RIC8B: variants seen among roughly 807,000 people sequenced by gnomAD.
RIC8B encodes the protein RIC8 guanine nucleotide exchange factor B.
A neutral mutation model predicts 57.5 loss-of-function variants in RIC8B; 16 were observed. That is an observed-to-expected ratio of 0.28 (90% CI 0.19 to 0.42). The LOEUF (loss-of-function observed/expected upper bound fraction) is 0.42. Ranked by LOEUF, RIC8B falls within the 10% of genes least tolerant of loss-of-function variation. RIC8B has a pLI of 1.00. For missense variants in RIC8B, 481 were observed against 677.0 expected, an observed-to-expected ratio of 0.71 and a Z score of 3.21; for synonymous variants, 216 against 250.8, an observed-to-expected ratio of 0.86 and a Z score of 1.31.
At position 106,784,035 on chromosome 12, in the gene RIC8B, T is replaced by C. The variant is rs376206658; in HGVS notation, c.123T>C (p.Asp41=). 1.2e-6 allele frequency: 2 copies of C among 1,613,800 alleles called. No homozygotes were observed. The highest frequency in any genetic ancestry group is 1.7e-5 in the Admixed American group (1 of 60,012). The part of the protein sequence containing the change: ...ATFKFESTDE[D]KRKKLCEGIF... ...TCAAATTTGAATCAACAGATGAAGA[T>C]AAAAGAAAGGTAAGCCTTGGTGTTG... The change falls in exon 2 of 10, where the codon GAT becomes GAC. Residue 41 remains aspartate (D), a synonymous_variant. Coordinates refer to ENST00000392837, the MANE Select transcript of RIC8B (RefSeq NM_001330145.2).
intron 4 of RIC8B, among the ~76,000 whole-genome samples, chr12:106,826,603 A>C (rs1049273343): frequency 1.3e-5 from 2 of 152,092 alleles, no homozygotes; most frequent in African/African-American, 2.4e-5. Flanking sequence ...AAAATACAAA[A>C]AAAGTAGCTG....
At chr12:106,789,195 C>T (rs1031922703) in intron 2 of RIC8B, among the ~76,000 whole-genome samples, 4 of 152,162 alleles carry the variant, frequency 2.6e-5, no homozygotes, top group Admixed American at 6.5e-5. Context: ...AACAAGTTTC[C>T]TCATCTCCAT....
chr12:106,801,306 T>C (rs2044720937), intron 2 of RIC8B, among the ~76,000 whole-genome samples: 2 of 152,236 alleles, frequency 1.3e-5, no homozygotes, highest in African/African-American at 4.8e-5. Flanking sequence ...ACACCTAAGC[T>C]CTTTCCTGTT....
At chr12:106,831,433 A>G (rs1314007593) in intron 4 of RIC8B, among the ~76,000 whole-genome samples, 2 of 152,138 alleles carry the variant, frequency 1.3e-5, no homozygotes, top group Non-Finnish European at 2.9e-5. Flanking sequence ...CTTTCATCCT[A>G]TGTATATGAT....
At chr12:106,841,555 A>G in intron 4 of RIC8B, among the ~76,000 whole-genome samples, 1 of 152,144 alleles carries the variant, frequency 6.6e-6, no homozygotes, top group East Asian at 1.9e-4. Flanking sequence ...AGATAGATTA[A>G]GCTCTAAATT....
intron 2 of RIC8B, among the ~76,000 whole-genome samples, chr12:106,801,577 A>G (rs982945540): frequency 2.0e-5 from 3 of 152,158 alleles, no homozygotes; most frequent in Admixed American, 6.5e-5. Flanking sequence ...GAGAATTGCC[A>G]TTGCCTCCCA....
At chr12:106,853,453 C>CTT (rs758876525) in intron 7 of RIC8B, among the ~76,000 whole-genome samples, 1,420 of 38,044 alleles carry the variant, frequency 0.037, 263 homozygotes, top group East Asian at 0.073. Context: ...GCTTTATAGT[C>CTT]TTTTTTTTTT....
At chr12:106,799,445 GATTTCAAGAAAT>G (rs2044631750) in intron 2 of RIC8B, among the ~76,000 whole-genome samples, 1 of 151,774 alleles carries the variant, frequency 6.6e-6, no homozygotes, top group Non-Finnish European at 1.5e-5. Flanking sequence ...TAGCTCAAGT[GATTTCAAGAAAT>G]TTGCCCAAGA....
At chr12:106,873,581 A>AT (rs1322529803) in intron 9 of RIC8B, among the ~76,000 whole-genome samples, 2 of 152,196 alleles carry the variant, frequency 1.3e-5, no homozygotes, top group Non-Finnish European at 2.9e-5. Context: ...TTCAGGGAAC[A>AT]TTTACTAAGC....
At chr12:106,792,480 C>T (rs1000128340) in intron 2 of RIC8B, among the ~76,000 whole-genome samples, 1 of 152,210 alleles carries the variant, frequency 6.6e-6, no homozygotes, top group African/African-American at 2.4e-5. Context: ...ATAGAGATTT[C>T]ATCAAGAAGT....
intron 2 of RIC8B, 124 bp downstream of exon 2, chr12:106,784,168 T>G: frequency 1.1e-6 from 1 of 919,326 alleles, no homozygotes; most frequent in Non-Finnish European, 1.7e-6. Context: ...CTTCATTTTG[T>G]TTTTTAGGAA....
At chr12:106,833,924 C>T (rs930310768) in intron 4 of RIC8B, among the ~76,000 whole-genome samples, 8 of 152,128 alleles carry the variant, frequency 5.3e-5, no homozygotes, top group African/African-American at 1.9e-4. Flanking sequence ...AAGAACCTAG[C>T]ACCTTCTCCC....
At chr12:106,810,197 T>C (rs1415479769) in intron 2 of RIC8B, among the ~76,000 whole-genome samples, 1 of 146,814 alleles carries the variant, frequency 6.8e-6, no homozygotes, top group Non-Finnish European at 1.5e-5. Flanking sequence ...CCTCCTAAAG[T>C]GCTAGGATTA....
At chr12:106,838,535 C>CAAA (rs34383569) in intron 4 of RIC8B, among the ~76,000 whole-genome samples, 4 of 94,800 alleles carry the variant, frequency 4.2e-5, no homozygotes, top group Non-Finnish European at 6.6e-5. Flanking sequence ...AATACCCTGT[C>CAAA]AAAAAAAAAA....
intron 2 of RIC8B, among the ~76,000 whole-genome samples, chr12:106,786,940 C>T (rs1212346158): frequency 6.6e-6 from 1 of 152,166 alleles, no homozygotes; most frequent in Admixed American, 6.5e-5. Context: ...AGAAATCTGA[C>T]ATTAGAGTCT....
chr12:106,882,899 T>C (rs1242851332), intron 9 of RIC8B, among the ~76,000 whole-genome samples: 2 of 152,188 alleles, frequency 1.3e-5, no homozygotes, highest in Non-Finnish European at 1.5e-5. Context: ...AATTAAAATA[T>C]AGGCCCGTTG....
chr12:106,788,263 G>A (rs544945889), intron 2 of RIC8B, among the ~76,000 whole-genome samples: 1 of 152,294 alleles, frequency 6.6e-6, no homozygotes, highest in East Asian at 1.9e-4. Context: ...CCACGCCTGT[G>A]GCTTTGCAGG....
At chr12:106,873,177 G>C in intron 9 of RIC8B, 1 of 985,418 alleles carries the variant, frequency 1.0e-6, no homozygotes, top group Non-Finnish European at 1.2e-6. Flanking sequence ...AACTGAAGGT[G>C]ACACTGATTT....
At chr12:106,884,276 T>C (rs1035424362) in intron 9 of RIC8B, among the ~76,000 whole-genome samples, 6 of 152,264 alleles carry the variant, frequency 3.9e-5, no homozygotes, top group Admixed American at 2.0e-4. Context: ...AGGCAGCAGC[T>C]GTACCCAGTC....
Sources: allele counts gnomAD v4.1 joint callset (sites outside exome capture counted in the v4.1 genomes callset), GRCh38; gene constraint gnomAD v4.1.1; transcripts MANE v1.5; gene names NCBI Gene and HGNC (gene_info 2026-07-23, HGNC 2026-07-21).